Variants in ITFG1 observed in about 807,000 individuals in gnomAD.
The protein encoded by ITFG1 is integrin alpha FG-GAP repeat containing 1, also known as T-cell immunomodulatory protein.
ITFG1 carries 34 observed loss-of-function variants against 81.8 expected under a neutral mutation model. That is an observed-to-expected ratio of 0.42 (90% confidence interval 0.32 to 0.55). The LOEUF (loss-of-function observed/expected upper bound fraction) is 0.55, where lower values mean the gene tolerates loss of function less well. ITFG1 is among the 20% of genes least tolerant of loss of function. The probability of loss-of-function intolerance (pLI) is 0.17; values close to 1 mark genes in which losing one functional copy is unlikely to be tolerated. For missense variants in ITFG1, 672 were observed against 755.4 expected (o/e 0.89, Z 1.29); for synonymous variants, 285 against 270.6 (o/e 1.05, Z -0.52).
chr16:47,206,487 C>T (rs149780750), intron 14 of ITFG1, among the ~76,000 whole-genome samples: 50 of 152,284 alleles, frequency 3.3e-4, no homozygotes, highest in Non-Finnish European at 7.1e-4. Flanking sequence ...ACATTCTCAT[C>T]GACCTCAATA....
chr16:47,308,524 T>C (rs977521919), intron 10 of ITFG1, among the ~76,000 whole-genome samples: 1 of 152,262 alleles, frequency 6.6e-6, no homozygotes, highest in Non-Finnish European at 1.5e-5. Context: ...GGATGCATGA[T>C]ATTGGATAAG....
At chr16:47,378,162 T>C (rs1968350401) in intron 6 of ITFG1, among the ~76,000 whole-genome samples, 1 of 152,208 alleles carries the variant, frequency 6.6e-6, no homozygotes, top group Non-Finnish European at 1.5e-5. Context: ...GTGCAAGTTC[T>C]GACCTATTTG....
chr16:47,430,959 C>T (rs1312059653), intron 5 of ITFG1, among the ~76,000 whole-genome samples: 1 of 152,122 alleles, frequency 6.6e-6, no homozygotes, highest in Non-Finnish European at 1.5e-5. Flanking sequence ...AACAAAATGT[C>T]ATATATCTAT....
intron 5 of ITFG1, among the ~76,000 whole-genome samples, chr16:47,432,285 T>A (rs1487507177): frequency 6.6e-6 from 1 of 152,260 alleles, no homozygotes; most frequent in East Asian, 1.9e-4. Context: ...AATTTAAGGC[T>A]ATTTAAGTCC....
chr16:47,388,788 C>T (rs1368173551), intron 6 of ITFG1, among the ~76,000 whole-genome samples: 1 of 152,132 alleles, frequency 6.6e-6, no homozygotes, highest in African/African-American at 2.4e-5. Context: ...CCCCGTCTTA[C>T]ACTCAAGTTA....
chr16:47,347,398 T>A (rs1398797565), intron 8 of ITFG1, among the ~76,000 whole-genome samples: 1 of 152,224 alleles, frequency 6.6e-6, no homozygotes, highest in Non-Finnish European at 1.5e-5. Context: ...GGAGATTATA[T>A]CCTGTGCATG....
chr16:47,344,138 G>A (rs1967820235), intron 8 of ITFG1, among the ~76,000 whole-genome samples: 4 of 152,224 alleles, frequency 2.6e-5, no homozygotes, highest in East Asian at 1.9e-4. Flanking sequence ...ATTGCTTAAC[G>A]GTTATTGAGT....
chr16:47,428,190 T>C (rs1969047933), intron 6 of ITFG1, among the ~76,000 whole-genome samples: 1 of 152,224 alleles, frequency 6.6e-6, no homozygotes, highest in African/African-American at 2.4e-5. Flanking sequence ...CTGGCAGTTT[T>C]AAATAAAAAA....
chr16:47,455,838 T>C (rs1470187149), intron 2 of ITFG1, among the ~76,000 whole-genome samples: 1 of 145,422 alleles, frequency 6.9e-6, no homozygotes, highest in African/African-American at 2.5e-5. Context: ...GAAAACCTCC[T>C]GCAAAGGAAA....
rs535217930 is a variant in ITFG1, at chr16:47,166,414, T to C, written c.1454-3750A>G. On this transcript the variant is annotated intron_variant, in intron 14 of 17. Coordinates refer to ENST00000320640, the MANE Select transcript of ITFG1 (RefSeq NM_030790.5). ...CATACTTTTAGTCACATACTTTTTT[T>C]CTCCAAGGCAAGTGCATGCATAAAT... Among the ~76,000 whole-genome samples, 29 of 152,338 alleles carry C rather than the reference T, an allele frequency of 1.9e-4. No individual in the cohort carries two copies. In the East Asian group the frequency reaches 5.4e-3, roughly 28 times the overall value.
Position 47,179,702 on chromosome 16 carries a change from C to T in ITFG1, c.1454-17038G>A, listed in dbSNP as rs144576393. Among the ~76,000 whole-genome samples the T allele has an allele frequency of 7.5e-3, 1,146 of 152,084 alleles. 19 individuals carry two copies. The highest frequency in any genetic ancestry group is 0.026 in the African/African-American group (1,086 of 41,486). On this transcript the variant is annotated intron_variant, in intron 14 of 17. Coordinates refer to ENST00000320640, the MANE Select transcript of ITFG1 (RefSeq NM_030790.5). ...AATCCATGAGAGAAGTGGTTAATAC[C>T]TTTTAAAAGTATGTGGTGGTACTAG...
chr16:47,350,873 AGTGG>A (rs1403067601), intron 8 of ITFG1, among the ~76,000 whole-genome samples: 2 of 152,212 alleles, frequency 1.3e-5, no homozygotes, highest in African/African-American at 2.4e-5. Flanking sequence ...ACCATGATCA[AGTGG>A]GCTTCATCCC....
At chr16:47,291,417 G>A (rs1441451935) in intron 10 of ITFG1, among the ~76,000 whole-genome samples, 1 of 151,732 alleles carries the variant, frequency 6.6e-6, no homozygotes, top group South Asian at 2.1e-4. Flanking sequence ...TATGCCTTGG[G>A]GAGGACCATT....
At chr16:47,226,479 G>A (rs920059467) in intron 13 of ITFG1, among the ~76,000 whole-genome samples, 3 of 151,754 alleles carry the variant, frequency 2.0e-5, no homozygotes, top group African/African-American at 7.3e-5. Flanking sequence ...CCATTAACTC[G>A]TCATTTAGCA....
intron 12 of ITFG1, among the ~76,000 whole-genome samples, chr16:47,247,565 G>C (rs1966016486): frequency 1.3e-5 from 2 of 152,044 alleles, no homozygotes; most frequent in Non-Finnish European, 1.5e-5. Context: ...TCTCAAGCAG[G>C]GCCACGTCTT....
At chr16:47,295,232 A>G (rs1966965185) in intron 10 of ITFG1, among the ~76,000 whole-genome samples, 1 of 152,152 alleles carries the variant, frequency 6.6e-6, no homozygotes, top group Non-Finnish European at 1.5e-5. Flanking sequence ...TGCTAGTATT[A>G]TGTTGAGGAT....
intron 10 of ITFG1, among the ~76,000 whole-genome samples, chr16:47,305,265 GAAT>G (rs1967139711): frequency 6.6e-6 from 1 of 152,154 alleles, no homozygotes; most frequent in African/African-American, 2.4e-5. Context: ...CTGTCAGTAA[GAAT>G]ATTTTCTGGG....
chr16:47,288,558 C>A (rs2151553515), intron 10 of ITFG1, among the ~76,000 whole-genome samples: 1 of 152,258 alleles, frequency 6.6e-6, no homozygotes, highest in African/African-American at 2.4e-5. Flanking sequence ...ACTTTCCCAC[C>A]ATCAATGTAT....
intron 4 of ITFG1, 116 bp downstream of exon 4, chr16:47,452,617 A>C: frequency 1.5e-6 from 1 of 663,922 alleles, no homozygotes; most frequent in Non-Finnish European, 2.6e-6. Flanking sequence ...AATCAAAGGT[A>C]CAGGCCTCTG....
Sources: allele counts gnomAD v4.1 joint callset (sites outside exome capture counted in the v4.1 genomes callset), GRCh38; gene constraint gnomAD v4.1.1; transcripts MANE v1.5; gene names NCBI Gene and HGNC (gene_info 2026-07-23, HGNC 2026-07-21).